The following CSMD1 variants were observed in gnomAD, a reference collection of about 807,000 sequenced individuals.
The protein encoded by CSMD1 is CUB and Sushi multiple domains 1, also known as CUB and sushi domain-containing protein 1.
CSMD1 carries 213 observed loss-of-function variants against 417.5 expected under a neutral mutation model. The observed-to-expected ratio is 0.51, with a 90% CI of 0.46 to 0.57. The LOEUF (loss-of-function observed/expected upper bound fraction) is 0.57, where lower values mean the gene tolerates loss of function less well. Among genes scored for constraint, CSMD1 ranks in the 20% least tolerant of loss-of-function variants. The probability of loss-of-function intolerance (pLI) is 0.00; values close to 1 mark genes in which losing one functional copy is unlikely to be tolerated. For missense variants in CSMD1, 6,923 were observed against 4,529.7 expected, an observed-to-expected ratio of 1.53 and a Z score of -15.17; for synonymous variants, 2,862 against 1,736.8, an observed-to-expected ratio of 1.65 and a Z score of -16.11.
chr8:3,538,800 C>T (rs930142756), intron 10 of CSMD1, among the ~76,000 whole-genome samples: 3 of 152,168 alleles, frequency 2.0e-5, no homozygotes, highest in Non-Finnish European at 4.4e-5. Context: ...CCACTTGCAC[C>T]AAGAGCCTGG....
chr8:3,447,534 C>A (rs933044877), intron 12 of CSMD1, among the ~76,000 whole-genome samples: 2 of 152,140 alleles, frequency 1.3e-5, no homozygotes, highest in South Asian at 4.1e-4. Context: ...TGGTGTGGGA[C>A]AGGTGGCACC....
intron 10 of CSMD1, among the ~76,000 whole-genome samples, chr8:3,499,637 G>C (rs961964061): frequency 6.6e-6 from 1 of 152,034 alleles, no homozygotes; most frequent in South Asian, 2.1e-4. Context: ...CATGCACTTT[G>C]GCTCCCCCTG....
intron 3 of CSMD1, among the ~76,000 whole-genome samples, chr8:4,165,119 T>G (rs1272851587): frequency 6.6e-6 from 1 of 152,148 alleles, no homozygotes; most frequent in Non-Finnish European, 1.5e-5. Flanking sequence ...CATGTGCTGG[T>G]GCATGCATGA....
At chr8:3,908,804 A>C (rs1808274095) in intron 5 of CSMD1, among the ~76,000 whole-genome samples, 1 of 152,192 alleles carries the variant, frequency 6.6e-6, no homozygotes, top group Non-Finnish European at 1.5e-5. Context: ...CTTAGCTATT[A>C]TTTGAAACAG....
At chr8:4,633,840 C>A (rs1451225035) in intron 2 of CSMD1, among the ~76,000 whole-genome samples, 2 of 152,066 alleles carry the variant, frequency 1.3e-5, no homozygotes, top group African/African-American at 4.8e-5. Context: ...GGATTACAGG[C>A]ATGAGCCACC....
intron 1 of CSMD1, among the ~76,000 whole-genome samples, chr8:4,836,355 T>C (rs1800491054): frequency 6.6e-6 from 1 of 152,210 alleles, no homozygotes; most frequent in Non-Finnish European, 1.5e-5. Flanking sequence ...AAGACTTCTA[T>C]GTGGAGCCAT....
chr8:4,329,384 G>A (rs577632185), intron 3 of CSMD1, among the ~76,000 whole-genome samples: 377 of 152,160 alleles, frequency 2.5e-3, no homozygotes, highest in African/African-American at 8.7e-3. Context: ...TGTCTCCCAG[G>A]TACAAGTGAT....
At chr8:3,177,986 T>C (rs1322777993) in intron 37 of CSMD1, among the ~76,000 whole-genome samples, 1 of 152,200 alleles carries the variant, frequency 6.6e-6, no homozygotes, top group Non-Finnish European at 1.5e-5. Flanking sequence ...TTAAATAACG[T>C]GAACGAAGAC....
intron 1 of CSMD1, among the ~76,000 whole-genome samples, chr8:4,743,947 C>G (rs935828761): frequency 6.6e-6 from 1 of 152,182 alleles, no homozygotes; most frequent in African/African-American, 2.4e-5. Flanking sequence ...TTTCTCTCTT[C>G]CCAGAGTGAT....
chr8:3,405,084 T>A lies in CSMD1; in HGVS notation c.2266+943A>T, dbSNP rs1161524. 5.5e-4 allele frequency among the ~76,000 whole-genome samples: 84 copies of A among 152,234 alleles called. 1 individual carries two copies. Among genetic ancestry groups the A allele is most frequent in the Non-Finnish European group, 1.0e-4 (7 of 68,016 alleles). On this transcript the variant is annotated intron_variant, in intron 15 of 69. Transcript: ENST00000635120. ...TACCATGATTTTATATAATCAATAG[T>A]ATGATTAGGAAATGCCAGTTTCTAC...
chr8:3,304,142 T>C (rs932624639), intron 25 of CSMD1, among the ~76,000 whole-genome samples: 1 of 152,146 alleles, frequency 6.6e-6, no homozygotes, highest in African/African-American at 2.4e-5. Flanking sequence ...GTGAAAAATA[T>C]TTACATTAAG....
At chr8:4,526,077 A>G (rs1281352178) in intron 2 of CSMD1, among the ~76,000 whole-genome samples, 1 of 152,288 alleles carries the variant, frequency 6.6e-6, no homozygotes, top group Non-Finnish European at 1.5e-5. Flanking sequence ...TTTCCCTGGG[A>G]CACATTTTTT....
intron 25 of CSMD1, among the ~76,000 whole-genome samples, chr8:3,288,163 A>C (rs62503419): frequency 0.12 from 18,093 of 146,986 alleles, 2,134 homozygotes; most frequent in Middle Eastern, 0.16. Flanking sequence ...CCACTTGATC[A>C]TTGTGGATAA....
At chr8:4,521,423 T>C (rs561442130) in intron 2 of CSMD1, among the ~76,000 whole-genome samples, 18 of 152,186 alleles carry the variant, frequency 1.2e-4, no homozygotes, top group African/African-American at 3.4e-4. Context: ...ATTATTTGTA[T>C]TTTTAAAGAA....
intron 5 of CSMD1, among the ~76,000 whole-genome samples, chr8:3,801,110 A>C (rs1046992606): frequency 3.9e-5 from 6 of 152,264 alleles, no homozygotes; most frequent in African/African-American, 1.4e-4. Flanking sequence ...AGAAGACGGA[A>C]AGGTTAAATT....
chr8:3,978,770 C>A (rs1019333757), intron 5 of CSMD1, among the ~76,000 whole-genome samples: 4 of 152,118 alleles, frequency 2.6e-5, no homozygotes, highest in Non-Finnish European at 5.9e-5. Flanking sequence ...TGACGGTGCT[C>A]ATGCTTTTAA....
At chr8:3,313,637 T>C (rs1462211272) in intron 23 of CSMD1, among the ~76,000 whole-genome samples, 2 of 152,166 alleles carry the variant, frequency 1.3e-5, no homozygotes, top group African/African-American at 4.8e-5. Context: ...CTGGAGAGGA[T>C]GTGGAGAAAT....
At chr8:3,346,914 A>G (rs1452235271) in intron 22 of CSMD1, among the ~76,000 whole-genome samples, 1 of 152,230 alleles carries the variant, frequency 6.6e-6, no homozygotes, top group Non-Finnish European at 1.5e-5. Flanking sequence ...GCCAGAAACC[A>G]GGCTTCTGTC....
chr8:4,694,937 T>C (rs1022000499), intron 1 of CSMD1, among the ~76,000 whole-genome samples: 3 of 152,216 alleles, frequency 2.0e-5, no homozygotes, highest in African/African-American at 4.8e-5. Context: ...TAAAGCACTA[T>C]GAACATACAG....
Sources: gnomAD v4.1 joint callset for allele counts (sites outside exome capture counted in the v4.1 genomes callset) on GRCh38, gnomAD v4.1.1 for gene constraint, MANE v1.5 for transcripts, NCBI Gene and HGNC (gene_info 2026-07-23, HGNC 2026-07-21) for gene names.